Variants in TUBA1C observed in about 807,000 individuals in gnomAD.
The protein encoded by TUBA1C is tubulin alpha 1c.
A neutral mutation model predicts 34.9 loss-of-function variants in TUBA1C; 16 were observed. The ratio of observed to expected loss-of-function variants is 0.46; its 90% confidence interval spans 0.31 to 0.70. The LOEUF is 0.70. Ranked by LOEUF, TUBA1C falls within the 30% of genes least tolerant of loss-of-function variation. The pLI is 0.05. For synonymous variants in TUBA1C, 177 were observed against 215.9 expected (o/e 0.82, Z 1.58); for missense variants, 329 against 587.3 (o/e 0.56, Z 4.55).
At chr12:49,251,500 G>T (rs114350977) in intron 1 of TUBA1C, among the ~76,000 whole-genome samples, 2,326 of 152,078 alleles carry the variant, frequency 0.015, 53 homozygotes, top group African/African-American at 0.053. Context: ...TATAGGCTGG[G>T]CCTGGTGACT....
At position 49,265,153 on chromosome 12, in the gene TUBA1C, A is replaced by G. The variant is rs753777069; in HGVS notation, c.-29A>G. 3.9e-5 allele frequency: 62 copies of G among 1,597,364 alleles called. No individual in the cohort carries two copies. The Middle Eastern group carries it at 5.0e-4, about 13-fold the overall frequency. ...TTGTTGCCGTCCCTTCGCCTCCTTC[A>G]CCGCCGCAGACCCCTTCAAGTTCTA... On this transcript the variant is annotated 5_prime_UTR_variant, in exon 1 of 4. Coordinates refer to ENST00000301072, the MANE Select transcript of TUBA1C (RefSeq NM_032704.5).
At chr12:49,230,019 T>C (rs948111138) in intron 1 of TUBA1C, among the ~76,000 whole-genome samples, 14 of 151,984 alleles carry the variant, frequency 9.2e-5, no homozygotes, top group African/African-American at 3.4e-4. Context: ...AACTCCTGAC[T>C]TCGTGATCTG....
intron 1 of TUBA1C, among the ~76,000 whole-genome samples, chr12:49,235,470 C>A (rs1347051359): frequency 6.6e-6 from 1 of 152,022 alleles, no homozygotes; most frequent in Non-Finnish European, 1.5e-5. Flanking sequence ...CGCAGTGGCT[C>A]ACACCTGTAA....
chr12:49,272,131 A>T (rs2137024945), intron 3 of TUBA1C, 122 bp from the exon 4 acceptor site: 1 of 1,493,950 alleles, frequency 6.7e-7, no homozygotes, highest in East Asian at 2.3e-5. Context: ...CCTGGCCCAG[A>T]AGAGTTTTAA....
chr12:49,229,668 C>T (rs990150656), intron 1 of TUBA1C, among the ~76,000 whole-genome samples: 47 of 140,936 alleles, frequency 3.3e-4, no homozygotes, highest in Admixed American at 2.9e-3. Flanking sequence ...TACCTGTTTG[C>T]ATAGAGGTGT....
chr12:49,269,114 C>T (rs184911996), intron 1 of TUBA1C, among the ~76,000 whole-genome samples: 1 of 152,270 alleles, frequency 6.6e-6, no homozygotes, highest in African/African-American at 2.4e-5. Context: ...GGCTGGAGGG[C>T]AGTGGTGTGA....
upstream of TUBA1C, chr12:49,265,057 G>A (rs1592285226): frequency 5.3e-6 from 7 of 1,324,414 alleles, no homozygotes; most frequent in Middle Eastern, 4.8e-4. Context: ...GGTATATAAG[G>A]CCCTTCGGGG....
intron 1 of TUBA1C, among the ~76,000 whole-genome samples, chr12:49,252,838 G>A (rs564853114): frequency 1.3e-5 from 2 of 152,180 alleles, no homozygotes; most frequent in East Asian, 3.9e-4. Context: ...ACTTGAACCC[G>A]GGAGGCGGAG....
intron 1 of TUBA1C, among the ~76,000 whole-genome samples, chr12:49,244,714 T>A (rs1310286572): frequency 6.6e-6 from 1 of 152,208 alleles, no homozygotes; most frequent in East Asian, 1.9e-4. Flanking sequence ...ATGGATATAA[T>A]ATCAAAGAGT....
intron 1 of TUBA1C, among the ~76,000 whole-genome samples, chr12:49,252,142 G>A (rs2137003447): frequency 6.6e-6 from 1 of 152,310 alleles, no homozygotes; most frequent in South Asian, 2.1e-4. Flanking sequence ...CTACCATATA[G>A]ATTAAACTCC....
chr12:49,241,492 A>G (rs1942614238), intron 1 of TUBA1C, among the ~76,000 whole-genome samples: 1 of 152,198 alleles, frequency 6.6e-6, no homozygotes, highest in Non-Finnish European at 1.5e-5. Flanking sequence ...GACAGGAGGT[A>G]AGATGGGGTG....
rs2137028152 is a variant in TUBA1C, at chr12:49,274,543, C to T, written c.*1316C>T. The T allele has an allele frequency of 6.6e-6, 1 of 152,050 alleles. No homozygotes were observed. Among genetic ancestry groups the T allele is most frequent in the South Asian group, 2.1e-4 (1 of 4,814 alleles). The allele number at this position is 152,050 out of a possible 1,614,324, so 9.4% of individuals were successfully genotyped here. A position where few individuals can be genotyped will look rare whatever the true frequency, so the allele number is the denominator to read the frequency against. ...AACTGCTGGAGCCAAAATTCAAGTG[C>T]CCAGCCACACTGCCAGAACTATTGC... is the stretch of plus-strand genomic sequence containing the variant. On this transcript the variant is annotated 3_prime_UTR_variant, in exon 4 of 4. Transcript: ENST00000301072.
chr12:49,269,105 G>T (rs1942953882), intron 1 of TUBA1C, among the ~76,000 whole-genome samples: 1 of 152,146 alleles, frequency 6.6e-6, no homozygotes, highest in African/African-American at 2.4e-5. Flanking sequence ...TGTCACTCAG[G>T]CTGGAGGGCA....
intron 1 of TUBA1C, among the ~76,000 whole-genome samples, chr12:49,255,405 A>AAAATATATAT (rs533723121): frequency 2.2e-4 from 31 of 141,302 alleles, no homozygotes; most frequent in South Asian, 2.3e-4. Flanking sequence ...ATCTTTAAAA[A>AAAATATATAT]ATATATATAT....
At chr12:49,228,964 G>A (rs1480555822) in intron 1 of TUBA1C, among the ~76,000 whole-genome samples, 1 of 152,114 alleles carries the variant, frequency 6.6e-6, no homozygotes, top group African/African-American at 2.4e-5. Context: ...GAACCCAGGT[G>A]GTCTGCTTCC....
chr12:49,238,293 T>C (rs1362150150), intron 1 of TUBA1C, among the ~76,000 whole-genome samples: 2 of 152,288 alleles, frequency 1.3e-5, no homozygotes, highest in African/African-American at 4.8e-5. Flanking sequence ...ATTTAGTTTC[T>C]CCTGTGCTGT....
chr12:49,265,144 G>A lies in TUBA1C; in HGVS notation c.-38G>A. 3 of 1,595,746 alleles carry A rather than the reference G, an allele frequency of 1.9e-6. No individual in the cohort carries two copies. Among genetic ancestry groups the A allele is most frequent in the Non-Finnish European group, 8.6e-7 (1 of 1,167,864 alleles). On this transcript the variant is annotated 5_prime_UTR_variant, in exon 1 of 4. Coordinates refer to ENST00000301072, the MANE Select transcript of TUBA1C (RefSeq NM_032704.5). ...GGGAGATCCTTGTTGCCGTCCCTTC[G>A]CCTCCTTCACCGCCGCAGACCCCTT...
intron 2 of TUBA1C, 63 bp from the exon 3 acceptor site, chr12:49,269,765 C>T: frequency 6.2e-7 from 1 of 1,613,312 alleles, no homozygotes; most frequent in South Asian, 1.1e-5. Context: ...CTCCGCTGGT[C>T]ACTCACCCAC....
At chr12:49,269,345 G>A in intron 1 of TUBA1C, 120 bp from the exon 2 acceptor site, 2 of 1,482,860 alleles carry the variant, frequency 1.3e-6, no homozygotes, top group East Asian at 2.4e-5. Context: ...TTACAGGTGT[G>A]AGTCACTGCG....
Sources: gnomAD v4.1 joint callset for allele counts (sites outside exome capture counted in the v4.1 genomes callset) on GRCh38, gnomAD v4.1.1 for gene constraint, MANE v1.5 for transcripts, NCBI Gene and HGNC (gene_info 2026-07-23, HGNC 2026-07-21) for gene names.